Variants in KCNQ3 observed in about 807,000 individuals in gnomAD.
The protein encoded by KCNQ3 is potassium voltage-gated channel subfamily Q member 3.
Under a neutral mutation model 92.5 loss-of-function variants are expected in KCNQ3, and 30 were observed. The ratio of observed to expected loss-of-function variants is 0.32; its 90% CI spans 0.24 to 0.44. KCNQ3 has a LOEUF of 0.44. Among genes scored for constraint, KCNQ3 ranks in the 20% least tolerant of loss-of-function variants. The pLI is 1.00. For missense variants in KCNQ3, 913 were observed against 1,140.3 expected, an observed-to-expected ratio of 0.80 and a Z score of 2.87; for synonymous variants, 450 against 468.8, an observed-to-expected ratio of 0.96 and a Z score of 0.52.
At chr8:132,148,425 G>A (rs776333707) in intron 9 of KCNQ3, among the ~76,000 whole-genome samples, 23 of 152,096 alleles carry the variant, frequency 1.5e-4, no homozygotes, top group Non-Finnish European at 2.5e-4. Flanking sequence ...TAGTAGAGAC[G>A]GGGTTTCACC....
chr8:132,408,695 T>C (rs1159262352), intron 1 of KCNQ3, among the ~76,000 whole-genome samples: 1 of 152,166 alleles, frequency 6.6e-6, no homozygotes, highest in African/African-American at 2.4e-5. Flanking sequence ...TGACCAAATC[T>C]AGTGAGCCAT....
intron 1 of KCNQ3, among the ~76,000 whole-genome samples, chr8:132,270,768 A>G (rs1295276507): frequency 6.6e-6 from 1 of 152,258 alleles, no homozygotes; most frequent in Admixed American, 6.5e-5. Context: ...ATTTCTTTAC[A>G]GAAACAATTT....
At position 132,443,936 on chromosome 8, in the gene KCNQ3, A is replaced by G. The variant is rs373280726; in HGVS notation, c.386+36211T>C. Among the ~76,000 whole-genome samples, 57 of 152,278 alleles carry G rather than the reference A, an allele frequency of 3.7e-4. No homozygotes were observed. In the East Asian group the frequency reaches 6.0e-3, roughly 16 times the overall value. ...CATTGTTCTCAGCACTTTATAAATA[A>G]TAAGTGATTTAATCCTCTTACCAAG... is the stretch of plus-strand genomic sequence containing the variant. On this transcript the variant is annotated intron_variant, in intron 1 of 14. Coordinates refer to ENST00000388996, the MANE Select transcript of KCNQ3 (RefSeq NM_004519.4).
intron 1 of KCNQ3, among the ~76,000 whole-genome samples, chr8:132,466,860 G>T (rs1168838838): frequency 6.6e-6 from 1 of 152,110 alleles, no homozygotes; most frequent in Non-Finnish European, 1.5e-5. Flanking sequence ...CATGGGTGAG[G>T]GCAATTGGGG....
At chr8:132,330,231 G>A (rs1373553808) in intron 1 of KCNQ3, among the ~76,000 whole-genome samples, 3 of 152,214 alleles carry the variant, frequency 2.0e-5, no homozygotes, top group Non-Finnish European at 4.4e-5. Context: ...GGAATGGATT[G>A]TCCCATAGAG....
At chr8:132,247,797 T>C (rs2130429120) in intron 1 of KCNQ3, among the ~76,000 whole-genome samples, 1 of 147,284 alleles carries the variant, frequency 6.8e-6, no homozygotes, top group African/African-American at 2.5e-5. Context: ...AAACTCCCTC[T>C]TAAAAAAAAA....
At chr8:132,252,677 T>A (rs893480261) in intron 1 of KCNQ3, among the ~76,000 whole-genome samples, 1 of 152,168 alleles carries the variant, frequency 6.6e-6, no homozygotes, top group African/African-American at 2.4e-5. Context: ...GATTGGCCCA[T>A]TTACAATCCT....
At chr8:132,264,948 G>A (rs1346877956) in intron 1 of KCNQ3, among the ~76,000 whole-genome samples, 2 of 152,186 alleles carry the variant, frequency 1.3e-5, no homozygotes, top group Admixed American at 6.5e-5. Context: ...GGAAAAAGCA[G>A]GCATAGTAGA....
intron 1 of KCNQ3, among the ~76,000 whole-genome samples, chr8:132,338,856 C>T (rs550835132): frequency 1.3e-5 from 2 of 152,296 alleles, no homozygotes; most frequent in South Asian, 2.1e-4. Context: ...AACTCCAAGA[C>T]CTCCATCACC....
chr8:132,288,003 C>T (rs1448135346), intron 1 of KCNQ3, among the ~76,000 whole-genome samples: 1 of 152,122 alleles, frequency 6.6e-6, no homozygotes, highest in African/African-American at 2.4e-5. Context: ...TGGGTTGCCA[C>T]CTTGTGAGCT....
intron 1 of KCNQ3, among the ~76,000 whole-genome samples, chr8:132,294,716 C>T (rs750552365): frequency 6.6e-6 from 1 of 152,164 alleles, no homozygotes; most frequent in Non-Finnish European, 1.5e-5. Flanking sequence ...GTGATGCCCA[C>T]CCCATAGGAG....
intron 9 of KCNQ3, among the ~76,000 whole-genome samples, chr8:132,156,918 T>TAA (rs1825813608): frequency 6.6e-6 from 1 of 152,056 alleles, no homozygotes; most frequent in South Asian, 2.1e-4. Context: ...GAAAGCCATG[T>TAA]AAAGTGGGAG....
chr8:132,204,631 A>G (rs768147953), intron 1 of KCNQ3, among the ~76,000 whole-genome samples: 4 of 152,190 alleles, frequency 2.6e-5, no homozygotes, highest in Non-Finnish European at 5.9e-5. Context: ...GCATTTGGGC[A>G]ACTTGATTTA....
At chr8:132,302,733 C>T (rs1223750811) in intron 1 of KCNQ3, among the ~76,000 whole-genome samples, 1 of 152,186 alleles carries the variant, frequency 6.6e-6, no homozygotes, top group Non-Finnish European at 1.5e-5. Flanking sequence ...CTCTCCTGCC[C>T]TGTTAACAAT....
In KCNQ3 at chr8:132,129,485, T is replaced by C. The variant is rs549045425; in HGVS notation, c.2396A>G (p.Glu799Gly). ...PLSLMSVNHE[E>G]LERSPSGFSI... Reference sequence around the variant, plus strand: ...GAAGCCACTTGGAGACCTCTCCAGCTCCTCGTGGTTGACCGACATCAGGGA... The same window carrying C: ...GAAGCCACTTGGAGACCTCTCCAGCCCCTCGTGGTTGACCGACATCAGGGA... Residue 799 changes from glutamate (E) to glycine (G), a missense_variant, in exon 15 of 15, where the codon GAG becomes GGG. Glu to Gly is a moderately conservative substitution (Grantham distance 98, BLOSUM62 -2). Coordinates refer to ENST00000388996, the MANE Select transcript of KCNQ3 (RefSeq NM_004519.4). The surrounding 1 kb of genome is among the most constrained non-coding windows in gnomAD (Gnocchi z 5.9). The C allele has an allele frequency of 6.2e-7, 1 of 1,614,198 alleles. No individual in the cohort carries two copies. The highest frequency in any genetic ancestry group is 8.5e-7 in the Non-Finnish European group (1 of 1,180,040).
At chr8:132,436,632 A>G (rs937508502) in intron 1 of KCNQ3, among the ~76,000 whole-genome samples, 1 of 152,022 alleles carries the variant, frequency 6.6e-6, no homozygotes, top group Non-Finnish European at 1.5e-5. Context: ...ATGTCCTTAT[A>G]TTTTACTGGA....
chr8:132,471,039 C>A (rs1379997599), intron 1 of KCNQ3, among the ~76,000 whole-genome samples: 1 of 152,124 alleles, frequency 6.6e-6, no homozygotes, highest in Non-Finnish European at 1.5e-5. Context: ...GTGGAGTCTG[C>A]CAGATTTCTC....
intron 1 of KCNQ3, among the ~76,000 whole-genome samples, chr8:132,226,534 C>T (rs893738991): frequency 1.3e-5 from 2 of 152,036 alleles, no homozygotes; most frequent in African/African-American, 4.8e-5. Flanking sequence ...TAATAATTTC[C>T]AAGAAATACA....
intron 1 of KCNQ3, among the ~76,000 whole-genome samples, chr8:132,312,496 A>G (rs976156793): frequency 6.6e-6 from 1 of 151,974 alleles, no homozygotes. Context: ...CTTCAAGTGC[A>G]GGGGGTTGAG....
Sources: gnomAD v4.1 joint callset for allele counts (sites outside exome capture counted in the v4.1 genomes callset) on GRCh38, gnomAD v4.1.1 for gene constraint, Gnocchi (gnomAD v3.1) non-coding constraint, MANE v1.5 for transcripts, NCBI Gene and HGNC (gene_info 2026-07-23, HGNC 2026-07-21) for gene names.